Variants in CFAP251 observed in about 807,000 individuals in gnomAD.
CFAP251 encodes cilia and flagella associated protein 251.
CFAP251 carries 93 observed loss-of-function variants against 126.7 expected under a neutral mutation model. That is an observed-to-expected ratio of 0.73 (90% confidence interval 0.62 to 0.87). The LOEUF (loss-of-function observed/expected upper bound fraction) is 0.87. Among genes scored for constraint, CFAP251 ranks in the 40% least tolerant of loss-of-function variants. The probability of loss-of-function intolerance (pLI) is 0.00; values close to 1 mark genes in which losing one functional copy is unlikely to be tolerated. For synonymous variants in CFAP251, 503 were observed against 506.9 expected (o/e 0.99, Z 0.10); for missense variants, 1,287 against 1,389.2 (o/e 0.93, Z 1.17).
chr12:121,998,749 G>C (rs1883082248), intron 19 of CFAP251: 1 of 151,324 alleles, frequency 6.6e-6, no homozygotes, highest in Non-Finnish European at 1.5e-5. Flanking sequence ...AATTAGCCAG[G>C]CATGGTCAAG....
chr12:121,982,084 CTTCT>C (rs889819914), intron 19 of CFAP251, among the ~76,000 whole-genome samples: 1 of 152,144 alleles, frequency 6.6e-6, no homozygotes, highest in African/African-American at 2.4e-5. Flanking sequence ...TGACCTTGTG[CTTCT>C]TTGTGTATAA....
chr12:121,952,635 T>C (rs1881574532), intron 9 of CFAP251: 1 of 152,204 alleles, frequency 6.6e-6, no homozygotes, highest in African/African-American at 2.4e-5. Flanking sequence ...AGTCGTCTCC[T>C]GTAGCATTTT....
intron 4 of CFAP251, 142 bp from the exon 5 acceptor site, chr12:121,934,105 A>C (rs1247576551): frequency 1.7e-6 from 1 of 603,028 alleles, no homozygotes; most frequent in Non-Finnish European, 2.8e-6. Flanking sequence ...ACACCCAGGA[A>C]GGCCAGCGGG....
chr12:121,942,819 T>C, intron 6 of CFAP251, 76 bp from the exon 7 acceptor site: 1 of 1,524,332 alleles, frequency 6.6e-7, no homozygotes, highest in South Asian at 1.1e-5. Context: ...AGTTTTGGGG[T>C]CACCACAAGA....
chr12:121,974,452 A>G lies in CFAP251; in HGVS notation c.2772-792A>G, dbSNP rs1882408887. ...GAGGACACTGATGCCAGGGGGGTTA[A>G]GTCACCTCCCCAGAATCACACAGCT... On this transcript the variant is annotated intron_variant, in intron 17 of 21. Transcript: ENST00000288912. This position sits in a 1 kb window ranked among gnomAD's most constrained non-coding sequence, Gnocchi z 4.6. Among the ~76,000 whole-genome samples, 1 of 152,170 alleles carries G rather than the reference A, an allele frequency of 6.6e-6. No individual in the cohort carries two copies. Among genetic ancestry groups the G allele is most frequent in the South Asian group, 2.1e-4 (1 of 4,830 alleles).
chr12:121,925,592 T>C (rs1458756386), intron 3 of CFAP251, among the ~76,000 whole-genome samples: 1 of 152,202 alleles, frequency 6.6e-6, no homozygotes, highest in Non-Finnish European at 1.5e-5. Context: ...CTTGCAACTG[T>C]TCACTCCGAG....
At chr12:121,956,663 T>G (rs1881737845) in intron 10 of CFAP251, among the ~76,000 whole-genome samples, 1 of 152,128 alleles carries the variant, frequency 6.6e-6, no homozygotes, top group African/African-American at 2.4e-5. Context: ...ACCTGACTAA[T>G]TTTTGTATTT....
intron 1 of CFAP251, among the ~76,000 whole-genome samples, chr12:121,920,056 C>T (rs1018812151): frequency 6.6e-6 from 1 of 151,790 alleles, no homozygotes; most frequent in East Asian, 2.0e-4. Context: ...TGGTGGCAGA[C>T]GCCTGTAATC....
intron 9 of CFAP251, chr12:121,953,900 T>G (rs925918715): frequency 2.6e-5 from 14 of 534,756 alleles, no homozygotes; most frequent in Non-Finnish European, 4.3e-5. Flanking sequence ...ACAATGTAAT[T>G]GAACAGAGTA....
intron 19 of CFAP251, among the ~76,000 whole-genome samples, chr12:121,981,442 C>T (rs1249403302): frequency 6.6e-6 from 1 of 152,204 alleles, no homozygotes; most frequent in Non-Finnish European, 1.5e-5. Flanking sequence ...TGCACACACA[C>T]ACCCCACACT....
rs755883010 is a variant in CFAP251, at chr12:121,921,287, GGAAACTCTACAGAGAA to G, written c.-15_1del. The stretch of plus-strand genomic sequence containing the variant: ...TTATTATGGTCAAAATCTCTCTAGA[GGAAACTCTACAGAGAA>G]GAATGTCAGATGCAGCAGAAGCTCC... On this transcript the variant is annotated splice_region_variant and 5_prime_UTR_variant, in exon 2 of 22. Transcript: ENST00000288912. 6.4e-7 allele frequency: 1 copy of G among 1,554,738 alleles called. No individual in the cohort carries two copies. The highest frequency in any genetic ancestry group is 1.3e-5 in the South Asian group (1 of 78,420).
rs775803385 is a variant in CFAP251 at position 121,989,559 on chromosome 12, C to A, written c.3007-10157C>A. Reference sequence around the variant, plus strand: ...ATGCAGTGACGCTGCCCAGCCCTTACGCCCCCTCCTCAGCCCACTACTCCC... The same window carrying A: ...ATGCAGTGACGCTGCCCAGCCCTTAAGCCCCCTCCTCAGCCCACTACTCCC... On this transcript the variant is annotated intron_variant, in intron 19 of 21. Transcript: ENST00000288912. This position sits in a 1 kb window ranked among gnomAD's most constrained non-coding sequence, Gnocchi z 4.2. 4.6e-5 allele frequency among the ~76,000 whole-genome samples: 7 copies of A among 152,202 alleles called. No homozygotes were observed. Among genetic ancestry groups the A allele is most frequent in the Non-Finnish European group, 1.0e-4 (7 of 68,018 alleles).
chr12:121,951,546 G>A lies in CFAP251; in HGVS notation c.1320+16G>A, dbSNP rs770029428. ...AACTGAAAAAGTGAGTATGCCTATT[G>A]CATTTTTGTCCATCAGATTTTGTGG... On this transcript the variant is annotated intron_variant, in intron 9 of 21. Coordinates refer to ENST00000288912, the MANE Select transcript of CFAP251 (RefSeq NM_144668.6). 1.3e-6 allele frequency: 2 copies of A among 1,570,100 alleles called. No homozygotes were observed. Among genetic ancestry groups the A allele is most frequent in the Admixed American group, 1.7e-5 (1 of 59,416 alleles).
chr12:121,975,269 G>C lies in CFAP251; in HGVS notation c.2797G>C (p.Gly933Arg). Reference sequence around the variant, plus strand: ...TGTCCTGGAGGCAGCGGTTTCTCTTGGGGGTGAAGACTTGACCCCATTCTA... The same window carrying C: ...TGTCCTGGAGGCAGCGGTTTCTCTTCGGGGTGAAGACTTGACCCCATTCTA... ...LSVLEAAVSL[G>R]GEDLTPFYGL... is the part of the protein sequence containing the mutation. Residue 933 changes from glycine (G) to arginine (R), a missense_variant, in exon 18 of 22, where the codon GGG becomes CGG. Gly to Arg is a moderately radical substitution (Grantham distance 125). Transcript: ENST00000288912. The C allele has an allele frequency of 6.2e-7, 1 of 1,613,888 alleles. No individual in the cohort carries two copies. Among genetic ancestry groups the C allele is most frequent in the South Asian group, 1.1e-5 (1 of 91,062 alleles).
chr12:121,951,481 A>T lies in CFAP251; in HGVS notation c.1271A>T (p.Tyr424Phe), dbSNP rs1284151746. Residue 424 changes from tyrosine to phenylalanine, a missense_variant and splice_region_variant, in exon 9 of 22, where the codon TAT becomes TTT. Transcript: ENST00000288912. ...SKTRAIYYAW[Y>F]EERDTLAHSA... The stretch of plus-strand genomic sequence containing the variant: ...GTGATTATTTTTTCCTCTTATCAGT[A>T]TGAAGAGAGGGATACACTGGCTCAC... 6.4e-7 allele frequency: 1 copy of T among 1,568,878 alleles called. No homozygotes were observed. Among genetic ancestry groups the T allele is most frequent in the African/African-American group, 1.3e-5 (1 of 74,374 alleles).
chr12:121,949,052 T>C lies in CFAP251; in HGVS notation c.1260T>C (p.Tyr420=). The C allele has an allele frequency of 6.3e-7, 1 of 1,583,158 alleles. No individual in the cohort carries two copies. Among genetic ancestry groups the C allele is most frequent in the South Asian group, 1.2e-5 (1 of 85,154 alleles). ...GCAATAGTAAAACACGGGCAATATA[T>C]TATGCATGGGTAAGCAGAAATATTT... The part of the protein sequence containing the change: ...LVSNSKTRAI[Y]YAWYEERDTL... The change falls in exon 8 of 22, where the codon TAT becomes TAC. Residue 420 remains tyrosine (Y), a synonymous_variant. Transcript: ENST00000288912.
At chr12:121,954,656 A>AAAAAAC (rs1881659979) in intron 10 of CFAP251, among the ~76,000 whole-genome samples, 1 of 149,180 alleles carries the variant, frequency 6.7e-6, no homozygotes, top group Admixed American at 6.7e-5. Context: ...AAAAAAAAAA[A>AAAAAAC]AAAAAAAAAA....
At chr12:121,966,903 C>A in intron 15 of CFAP251, 52 bp from the exon 16 acceptor site, 1 of 1,560,448 alleles carries the variant, frequency 6.4e-7, no homozygotes, top group Non-Finnish European at 8.8e-7. Flanking sequence ...AATCTTAAAA[C>A]CTATGTTGAG....
intron 10 of CFAP251, 133 bp from the exon 11 acceptor site, chr12:121,956,941 C>T (rs1182923108): frequency 1.6e-6 from 1 of 613,792 alleles, no homozygotes; most frequent in East Asian, 3.3e-5. Context: ...ACAGTAAAAT[C>T]ATTCTCGTTG....
Sources: gnomAD v4.1 joint callset for allele counts (sites outside exome capture counted in the v4.1 genomes callset) on GRCh38, gnomAD v4.1.1 for gene constraint, Gnocchi (gnomAD v3.1) non-coding constraint, MANE v1.5 for transcripts, NCBI Gene and HGNC (gene_info 2026-07-23, HGNC 2026-07-21) for gene names.